The following EXOC4 variants were observed in gnomAD, a reference collection of about 807,000 sequenced individuals.
EXOC4 encodes exocyst complex component 4.
In EXOC4, 71 loss-of-function variants were observed where a neutral mutation model predicts 107.2. That is an observed-to-expected ratio of 0.66 (90% confidence interval 0.55 to 0.81). EXOC4 has a LOEUF of 0.81. EXOC4 is among the 30% of genes least tolerant of loss of function. EXOC4 has a pLI of 0.00. For missense variants in EXOC4, 1,108 were observed against 1,189.6 expected, an observed-to-expected ratio of 0.93 and a Z score of 1.01; for synonymous variants, 456 against 441.2, an observed-to-expected ratio of 1.03 and a Z score of -0.42.
intron 11 of EXOC4, among the ~76,000 whole-genome samples, chr7:133,840,360 G>A (rs1419383572): frequency 3.3e-5 from 5 of 152,086 alleles, no homozygotes; most frequent in African/African-American, 1.2e-4. Flanking sequence ...TATCTAAGTG[G>A]TAAAATCATA....
intron 10 of EXOC4, among the ~76,000 whole-genome samples, chr7:133,798,212 A>G (rs1796856201): frequency 6.6e-6 from 1 of 152,162 alleles, no homozygotes; most frequent in Admixed American, 6.5e-5. Context: ...TTTGTAAGTT[A>G]GGGAATACTG....
chr7:133,690,693 T>C (rs1417316667), intron 10 of EXOC4, among the ~76,000 whole-genome samples: 2 of 152,184 alleles, frequency 1.3e-5, no homozygotes, highest in Non-Finnish European at 2.9e-5. Flanking sequence ...ATTAACAGGA[T>C]AAAAGTTACA....
chr7:133,748,255 A>G (rs1331946582), intron 10 of EXOC4, among the ~76,000 whole-genome samples: 1 of 152,154 alleles, frequency 6.6e-6, no homozygotes, highest in Non-Finnish European at 1.5e-5. Context: ...GGCTTAGACA[A>G]TGAACCTGAG....
At chr7:133,644,924 A>G (rs755911478) in intron 10 of EXOC4, among the ~76,000 whole-genome samples, 1 of 152,078 alleles carries the variant, frequency 6.6e-6, no homozygotes, top group Non-Finnish European at 1.5e-5. Context: ...GGTGCAAACT[A>G]TTTAAAGTTT....
At chr7:134,000,250 A>G (rs1288474001) in intron 15 of EXOC4, among the ~76,000 whole-genome samples, 1 of 152,168 alleles carries the variant, frequency 6.6e-6, no homozygotes, top group Admixed American at 6.6e-5. Context: ...CACTTACTCT[A>G]TCCTGGTCAC....
At chr7:133,920,853 A>G (rs2116650127) in intron 13 of EXOC4, among the ~76,000 whole-genome samples, 1 of 152,308 alleles carries the variant, frequency 6.6e-6, no homozygotes, top group South Asian at 2.1e-4. Flanking sequence ...ACTGGCAGCA[A>G]ATTCCTTCAG....
At chr7:133,406,597 A>G (rs756850197) in intron 7 of EXOC4, among the ~76,000 whole-genome samples, 2 of 152,210 alleles carry the variant, frequency 1.3e-5, no homozygotes, top group Non-Finnish European at 2.9e-5. Flanking sequence ...TTGATGAAAT[A>G]CAAAGGGTGA....
At position 133,374,886 on chromosome 7, in the gene EXOC4, C is replaced by T. The variant is rs577020229; in HGVS notation, c.1066C>T (p.His356Tyr). 6.2e-7 allele frequency: 1 copy of T among 1,614,048 alleles called. No homozygotes were observed. The highest frequency in any genetic ancestry group is 1.3e-5 in the African/African-American group (1 of 75,048). ...FDKFNAVAAAHSVVLGYLQDT... is the reference protein window; with the variant it reads ...FDKFNAVAAAYSVVLGYLQDT... ...CAAGTTTAATGCTGTAGCCGCTGCA[C>T]ACTCTGTGGTCCTGGGATACCTGCA... The change falls in exon 7 of 18, where the codon CAC becomes TAC. Residue 356 changes from histidine (H) to tyrosine (Y), a missense_variant. Coordinates refer to ENST00000253861, the MANE Select transcript of EXOC4 (RefSeq NM_021807.4).
intron 6 of EXOC4, among the ~76,000 whole-genome samples, chr7:133,362,315 A>C (rs1563035527): frequency 6.6e-6 from 1 of 152,172 alleles, no homozygotes; most frequent in Non-Finnish European, 1.5e-5. Flanking sequence ...CACACCTGAC[A>C]CATACTATAC....
At chr7:133,765,795 A>T (rs1241576064) in intron 10 of EXOC4, among the ~76,000 whole-genome samples, 1 of 151,938 alleles carries the variant, frequency 6.6e-6, no homozygotes, top group Non-Finnish European at 1.5e-5. Flanking sequence ...TTTACCTGTG[A>T]ATCATATTCC....
chr7:133,645,241 G>C (rs967361682), intron 10 of EXOC4, among the ~76,000 whole-genome samples: 1 of 151,880 alleles, frequency 6.6e-6, no homozygotes, highest in African/African-American at 2.4e-5. Flanking sequence ...ACAGGCGTGT[G>C]CCACCATGCC....
chr7:133,313,906 A>G (rs1286545144), intron 4 of EXOC4, among the ~76,000 whole-genome samples: 3 of 152,302 alleles, frequency 2.0e-5, no homozygotes, highest in East Asian at 1.9e-4. Context: ...ACCATTTTAT[A>G]CTAGCAGGGA....
chr7:134,026,014 A>G (rs1255497794), intron 17 of EXOC4, among the ~76,000 whole-genome samples: 1 of 152,196 alleles, frequency 6.6e-6, no homozygotes, highest in Non-Finnish European at 1.5e-5. Flanking sequence ...TGCCTCATAC[A>G]GTAGACATTC....
At chr7:133,728,398 T>C (rs1795259822) in intron 10 of EXOC4, among the ~76,000 whole-genome samples, 1 of 152,260 alleles carries the variant, frequency 6.6e-6, no homozygotes, top group Admixed American at 6.5e-5. Flanking sequence ...TAATGTTTAC[T>C]GTAGACAGTT....
At chr7:133,739,987 A>G (rs1795531649) in intron 10 of EXOC4, among the ~76,000 whole-genome samples, 1 of 152,154 alleles carries the variant, frequency 6.6e-6, no homozygotes, top group African/African-American at 2.4e-5. Context: ...AAGGATTCTA[A>G]TGTAGCAAAA....
chr7:133,780,952 C>T (rs560890148), intron 10 of EXOC4, among the ~76,000 whole-genome samples: 2 of 152,194 alleles, frequency 1.3e-5, no homozygotes, highest in East Asian at 1.9e-4. Context: ...TGATATGTTG[C>T]GCTTCATGGT....
intron 5 of EXOC4, among the ~76,000 whole-genome samples, chr7:133,348,979 T>C (rs1027183291): frequency 7.9e-5 from 12 of 152,196 alleles, no homozygotes; most frequent in African/African-American, 2.7e-4. Context: ...CTGGTCATTA[T>C]ACCTCTTTCT....
intron 11 of EXOC4, among the ~76,000 whole-genome samples, chr7:133,878,864 A>G (rs1798904727): frequency 1.3e-5 from 2 of 152,054 alleles, no homozygotes; most frequent in African/African-American, 2.4e-5. Flanking sequence ...GCTGGGGACT[A>G]CAGGTGTGCT....
At chr7:134,064,119 A>G (rs954983296) in intron 17 of EXOC4, among the ~76,000 whole-genome samples, 172 bp from the exon 18 acceptor site, 2 of 152,212 alleles carry the variant, frequency 1.3e-5, no homozygotes, top group African/African-American at 2.4e-5. Flanking sequence ...TCCAAAGGAC[A>G]GAGCTTATGG....
Sources: gnomAD v4.1 joint callset for allele counts (sites outside exome capture counted in the v4.1 genomes callset) on GRCh38, gnomAD v4.1.1 for gene constraint, MANE v1.5 for transcripts, NCBI Gene and HGNC (gene_info 2026-07-23, HGNC 2026-07-21) for gene names.